SEMA3A: variants seen among roughly 807,000 people sequenced by gnomAD.
SEMA3A encodes the protein semaphorin-3A.
SEMA3A carries 29 observed loss-of-function variants against 97.9 expected under a neutral mutation model. That is an observed-to-expected ratio of 0.30 (90% confidence interval 0.22 to 0.40). The LOEUF is 0.40. Ranked by LOEUF, SEMA3A falls within the 10% of genes least tolerant of loss-of-function variation. The probability of loss-of-function intolerance (pLI) is 1.00; values close to 1 mark genes in which losing one functional copy is unlikely to be tolerated. For missense variants in SEMA3A, 763 were observed against 951.3 expected, an observed-to-expected ratio of 0.80 and a Z score of 2.60; for synonymous variants, 321 against 323.7, an observed-to-expected ratio of 0.99 and a Z score of 0.09.
At chr7:84,372,579 C>T (rs1803000789) in intron 1 of SEMA3A, among the ~76,000 whole-genome samples, 2 of 152,000 alleles carry the variant, frequency 1.3e-5, no homozygotes, top group South Asian at 4.1e-4. Context: ...GTGCTGAAAA[C>T]TGCATTCAGA....
intron 3 of SEMA3A, among the ~76,000 whole-genome samples, chr7:84,225,723 G>A (rs915926770): frequency 6.6e-6 from 1 of 152,078 alleles, no homozygotes; most frequent in Non-Finnish European, 1.5e-5. Flanking sequence ...CACAGTATGT[G>A]CTCTACCTTG....
chr7:84,222,959 CAG>C (rs1232384550), intron 3 of SEMA3A, among the ~76,000 whole-genome samples: 1 of 151,782 alleles, frequency 6.6e-6, no homozygotes, highest in African/African-American at 2.4e-5. Context: ...ACACCAGAAA[CAG>C]ATTAAACAAA....
chr7:84,437,066 C>T (rs1658921227), intron 1 of SEMA3A, among the ~76,000 whole-genome samples: 2 of 152,014 alleles, frequency 1.3e-5, no homozygotes, highest in South Asian at 4.1e-4. Context: ...AGCTTCTCAA[C>T]TGTATGTATT....
intron 1 of SEMA3A, among the ~76,000 whole-genome samples, chr7:84,170,123 A>G (rs1378607861): frequency 6.6e-6 from 1 of 151,992 alleles, no homozygotes; most frequent in African/African-American, 2.4e-5. Context: ...AGGTGAAAAT[A>G]GCTTTGTTAG....
chr7:84,117,323 A>G (rs1409862582), intron 3 of SEMA3A, among the ~76,000 whole-genome samples: 1 of 152,222 alleles, frequency 6.6e-6, no homozygotes, highest in Non-Finnish European at 1.5e-5. Flanking sequence ...TTGAAAAGGC[A>G]TTCTCAAAAA....
At chr7:84,308,492 A>C (rs1162959335) in intron 2 of SEMA3A, among the ~76,000 whole-genome samples, 1 of 152,212 alleles carries the variant, frequency 6.6e-6, no homozygotes, top group African/African-American at 2.4e-5. Flanking sequence ...GGAGTCAATC[A>C]ACTGAGAAAC....
chr7:84,245,897 C>T (rs1195666707), intron 3 of SEMA3A, among the ~76,000 whole-genome samples: 1 of 152,186 alleles, frequency 6.6e-6, no homozygotes, highest in Non-Finnish European at 1.5e-5. Context: ...GGGAGATCTG[C>T]TGCTTTCTTC....
At chr7:84,015,500 G>A (rs1269323787) in intron 6 of SEMA3A, among the ~76,000 whole-genome samples, 1 of 152,150 alleles carries the variant, frequency 6.6e-6, no homozygotes, top group Non-Finnish European at 1.5e-5. Flanking sequence ...GCTTTAAGAT[G>A]CTATGTGCAA....
chr7:84,236,331 TACTAG>T (rs1451212954), intron 3 of SEMA3A, among the ~76,000 whole-genome samples: 1 of 152,090 alleles, frequency 6.6e-6, no homozygotes, highest in African/African-American at 2.4e-5. Context: ...TTCCCAGTTA[TACTAG>T]ACTAATTTGG....
At chr7:84,061,764 CCAAGTGTTCTGT>C (rs1793225087) in intron 4 of SEMA3A, among the ~76,000 whole-genome samples, 1 of 152,022 alleles carries the variant, frequency 6.6e-6, no homozygotes, top group Non-Finnish European at 1.5e-5. Context: ...GGAAGAAATT[CCAAGTGTTCTGT>C]TTTTACTACT....
intron 1 of SEMA3A, among the ~76,000 whole-genome samples, chr7:84,374,882 C>T (rs1318606930): frequency 6.6e-6 from 1 of 152,202 alleles, no homozygotes; most frequent in African/African-American, 2.4e-5. Flanking sequence ...GGATCAGCCA[C>T]TCTGCCATAG....
chr7:84,282,784 T>C lies in SEMA3A; in HGVS notation c.-83+24423A>G, dbSNP rs112993975. 3.9e-5 allele frequency among the ~76,000 whole-genome samples: 6 copies of C among 151,992 alleles called. 1 individual carries two copies. The highest frequency in any genetic ancestry group is 1.2e-4 in the African/African-American group (5 of 41,462). ...ATCCCAGCACTTTGGGAGGCCAAGG[T>C]GGGCGGATGACTTGAGGTCAGGAAT... On this transcript the variant is annotated intron_variant, in intron 3 of 3. Transcript: ENST00000424555.
At chr7:84,060,409 C>G (rs1263403756) in intron 5 of SEMA3A, 56 bp downstream of exon 5, 28 of 1,114,744 alleles carry the variant, frequency 2.5e-5, no homozygotes, top group Non-Finnish European at 3.2e-5. Flanking sequence ...AAAGAACATA[C>G]AACCTGTTTG....
rs189279693 is a variant in SEMA3A, at chr7:84,243,047, G to T, written c.-82-48379C>A. ...AGCTTTTTGATGTGCTACTGGATTCGGTTAGTATTTTATTGAAGATTTTCA... is the reference window on the plus strand; with the variant it reads ...AGCTTTTTGATGTGCTACTGGATTCTGTTAGTATTTTATTGAAGATTTTCA... On this transcript the variant is annotated intron_variant, in intron 3 of 3. Transcript: ENST00000424555. Among the ~76,000 whole-genome samples the T allele has an allele frequency of 9.2e-5, 14 of 152,168 alleles. No individual in the cohort carries two copies. The East Asian group carries it at 2.3e-3, about 25-fold the overall frequency.
intron 5 of SEMA3A, among the ~76,000 whole-genome samples, chr7:84,047,262 A>C (rs1792391624): frequency 6.6e-6 from 1 of 152,166 alleles, no homozygotes; most frequent in South Asian, 2.1e-4. Context: ...AAAGAATAGA[A>C]GGGAAAAGAC....
chr7:84,430,232 T>G (rs897971168), intron 1 of SEMA3A, among the ~76,000 whole-genome samples: 3 of 151,908 alleles, frequency 2.0e-5, no homozygotes, highest in African/African-American at 4.8e-5. Context: ...AAAACATACA[T>G]ATTTCAACAG....
In SEMA3A at chr7:84,305,859, T is replaced by C. The variant is rs549090761; in HGVS notation, c.-83+1348A>G. Among the ~76,000 whole-genome samples the C allele has an allele frequency of 2.6e-4, 39 of 151,962 alleles. No homozygotes were observed. In the South Asian group the frequency reaches 7.5e-3, roughly 29 times the overall value. ...AAAAATAACATCCAGGAAATTAGTATTGTGGAAGTCTGAAAATTATTCTAG... is the reference window on the plus strand; with the variant it reads ...AAAAATAACATCCAGGAAATTAGTACTGTGGAAGTCTGAAAATTATTCTAG... On this transcript the variant is annotated intron_variant, in intron 3 of 3. Coordinates refer to the SEMA3A transcript ENST00000424555.
chr7:84,082,949 A>G (rs1794209566), intron 4 of SEMA3A, among the ~76,000 whole-genome samples: 1 of 151,892 alleles, frequency 6.6e-6, no homozygotes, highest in East Asian at 1.9e-4. Flanking sequence ...TATTATAATA[A>G]TTATAATAAA....
chr7:84,373,978 T>C (rs2116111244), intron 1 of SEMA3A, among the ~76,000 whole-genome samples: 1 of 152,254 alleles, frequency 6.6e-6, no homozygotes, highest in East Asian at 1.9e-4. Context: ...AGCAAGGAAG[T>C]CCTCAAGTTT....
Sources: allele counts gnomAD v4.1 joint callset (sites outside exome capture counted in the v4.1 genomes callset), GRCh38; gene constraint gnomAD v4.1.1; transcripts MANE v1.5; gene names NCBI Gene and HGNC (gene_info 2026-07-23, HGNC 2026-07-21).